The following SIN3A variants were observed in gnomAD, a reference collection of about 807,000 sequenced individuals.
SIN3A encodes the protein paired amphipathic helix protein Sin3a.
SIN3A carries 14 observed loss-of-function variants against 146.1 expected under a neutral mutation model. The observed-to-expected ratio is 0.10, with a 90% CI of 0.06 to 0.15. The LOEUF is 0.15. SIN3A is among the 10% of genes least tolerant of loss of function. The pLI is 1.00. For missense variants in SIN3A, 1,028 were observed against 1,576.0 expected, an observed-to-expected ratio of 0.65 and a Z score of 5.89; for synonymous variants, 572 against 572.0, an observed-to-expected ratio of 1.00 and a Z score of 0.00.
intron 1 of SIN3A, among the ~76,000 whole-genome samples, chr15:75,440,019 C>T (rs1484624468): frequency 1.3e-5 from 2 of 151,322 alleles, no homozygotes; most frequent in Admixed American, 6.6e-5. Context: ...GGCGTGGTAG[C>T]GGGCGCCTGT....
At chr15:75,442,932 CA>C (rs34555614) in intron 1 of SIN3A, among the ~76,000 whole-genome samples, 4,229 of 84,462 alleles carry the variant, frequency 0.05, 52 homozygotes, top group Middle Eastern at 0.059. Flanking sequence ...AACTCTGTCT[CA>C]AAAAAAAAAA....
chr15:75,451,282 TCA>T (rs1480722916), intron 1 of SIN3A, 139 bp downstream of exon 1: 1 of 32,206 alleles, frequency 3.1e-5, no homozygotes, highest in African/African-American at 1.2e-4. Flanking sequence ...CCCACCCCCC[TCA>T]CACAACCACA....
intron 3 of SIN3A, among the ~76,000 whole-genome samples, chr15:75,417,387 T>G (rs1309869596): frequency 1.3e-5 from 2 of 152,060 alleles, no homozygotes; most frequent in Non-Finnish European, 1.5e-5. Context: ...TCTTTTTTTT[T>G]TTTTTGAGAT....
At chr15:75,455,452 G>GT (rs1213533553), upstream of SIN3A, among the ~76,000 whole-genome samples, 1 of 152,148 alleles carries the variant, frequency 6.6e-6, no homozygotes, top group Non-Finnish European at 1.5e-5. Flanking sequence ...CCCTTCTCCA[G>GT]TCCGCCGCCA....
At position 75,411,754 on chromosome 15, in the gene SIN3A, AAG is replaced by A. The variant is rs762014273; in HGVS notation, c.757-13_757-12del. The A allele has an allele frequency of 6.4e-7, 1 of 1,570,280 alleles. No homozygotes were observed. On this transcript the variant is annotated splice_polypyrimidine_tract_variant and intron_variant, in intron 5 of 20. Transcript: ENST00000394947. ...TTGCAGTTGGGAGGGCTAGAAAGAA[AAG>A]AAATCTTTATTCTCTTCAGATGCAT...
intron 8 of SIN3A, among the ~76,000 whole-genome samples, chr15:75,407,803 G>A (rs938126881): frequency 7.4e-6 from 1 of 135,430 alleles, no homozygotes; most frequent in African/African-American, 2.8e-5. Context: ...TGAGACAGAA[G>A]AATCGCTTGA....
At chr15:75,438,081 C>T (rs1459440950) in intron 1 of SIN3A, among the ~76,000 whole-genome samples, 2 of 152,178 alleles carry the variant, frequency 1.3e-5, no homozygotes, top group Admixed American at 6.5e-5. Flanking sequence ...TATAATAAAA[C>T]TGGGCGCGGT....
At chr15:75,389,386 A>G (rs2073154632) in intron 16 of SIN3A, among the ~76,000 whole-genome samples, 1 of 152,060 alleles carries the variant, frequency 6.6e-6, no homozygotes, top group South Asian at 2.1e-4. Flanking sequence ...AAGGTAAGAG[A>G]TAGACAAGTT....
chr15:75,410,667 C>T lies in SIN3A; in HGVS notation c.1009-381G>A, dbSNP rs192281051. 2.2e-3 allele frequency among the ~76,000 whole-genome samples: 342 copies of T among 152,178 alleles called. 1 individual carries two copies. The highest frequency in any genetic ancestry group is 7.8e-3 in the African/African-American group (323 of 41,540). On this transcript the variant is annotated intron_variant, in intron 6 of 20. Coordinates refer to ENST00000394947, the MANE Select transcript of SIN3A (RefSeq NM_001145358.2). ...TGACAAAACCTTAGAAATTTCTCCT[C>T]CTCCTACTGTACATTAACTAGACTA...
At chr15:75,400,623 G>C in intron 11 of SIN3A, 107 bp downstream of exon 11, 1 of 814,254 alleles carries the variant, frequency 1.2e-6, no homozygotes. Flanking sequence ...AGGATTAAAA[G>C]GGTTCTTAAT....
At position 75,389,666 on chromosome 15, in the gene SIN3A, T is replaced by C; in HGVS notation, c.3007A>G (p.Ser1003Gly). ...CATGCCCTCACCTGTCTGACAATGC[T>C]CTGGATCAGTTTGTCCATGGTAAAG... ...IAFTMDKLIQ[S>G]IVRQLQHIVS... Residue 1003 changes from serine to glycine, a missense_variant, in exon 16 of 21, where the codon AGC becomes GGC. This residue lies in a region of SIN3A where 488 missense variants were observed against 690.2 expected (regional missense o/e 0.71). Coordinates refer to ENST00000394947, the MANE Select transcript of SIN3A (RefSeq NM_001145358.2). The C allele has an allele frequency of 6.2e-7, 1 of 1,614,180 alleles. No homozygotes were observed. The highest frequency in any genetic ancestry group is 8.5e-7 in the Non-Finnish European group (1 of 1,180,008).
At chr15:75,377,255 G>A (rs949468985) in intron 19 of SIN3A, among the ~76,000 whole-genome samples, 1 of 152,008 alleles carries the variant, frequency 6.6e-6, no homozygotes, top group African/African-American at 2.4e-5. Context: ...ACCTTCATGC[G>A]ACTGCAATTC....
intron 4 of SIN3A, among the ~76,000 whole-genome samples, chr15:75,413,601 T>C (rs1439755720): frequency 1.3e-5 from 2 of 151,274 alleles, no homozygotes; most frequent in African/African-American, 4.9e-5. Context: ...TGGAGTGCAG[T>C]AGCACAATCT....
rs758170546 is a variant in SIN3A at position 75,372,095 on chromosome 15, CCATGAGCCACTTGCT to C, written c.3691_3705del (p.Ser1231_Met1235del). On this transcript the variant is annotated inframe_deletion, in exon 21 of 21. Transcript: ENST00000394947. ...GGCACCAGGCCCTCCAGCCCCTCAC[CCATGAGCCACTTGCT>C]GGTCTCTGCTGCCATTTCACGGGGC... 1 of 1,614,194 alleles carries C rather than the reference CCATGAGCCACTTGCT, an allele frequency of 6.2e-7. No individual in the cohort carries two copies. The highest frequency in any genetic ancestry group is 8.5e-7 in the Non-Finnish European group (1 of 1,180,038).
intron 2 of SIN3A, among the ~76,000 whole-genome samples, chr15:75,427,337 C>A (rs542683921): frequency 6.6e-6 from 1 of 151,614 alleles, no homozygotes; most frequent in Non-Finnish European, 1.5e-5. Flanking sequence ...CACGCCACTG[C>A]ACTCCAGCTG....
chr15:75,449,530 T>C (rs1477693631), intron 1 of SIN3A, among the ~76,000 whole-genome samples: 3 of 152,228 alleles, frequency 2.0e-5, no homozygotes, highest in African/African-American at 7.2e-5. Flanking sequence ...GTGGTTCTGC[T>C]ATCTAAATCT....
intron 1 of SIN3A, 161 bp downstream of exon 1, chr15:75,451,262 C>G (rs1463462846): frequency 7.5e-6 from 1 of 132,808 alleles, no homozygotes; most frequent in Non-Finnish European, 1.7e-5. Flanking sequence ...AGAGCTACCC[C>G]GCTCCGCCCC....
chr15:75,400,180 G>T, intron 11 of SIN3A, 24 bp from the exon 12 acceptor site: 2 of 1,359,904 alleles, frequency 1.5e-6, no homozygotes, highest in Non-Finnish European at 2.1e-6. Flanking sequence ...AAGAGAGACT[G>T]AAACAAAAGC....
At chr15:75,430,042 G>A (rs2073988804) in intron 2 of SIN3A, 145 bp downstream of exon 2, 1 of 646,072 alleles carries the variant, frequency 1.5e-6, no homozygotes, top group East Asian at 2.8e-5. Flanking sequence ...AAACTTGTAT[G>A]GTGAGTACAC....
Sources: gnomAD v4.1 joint callset for allele counts (sites outside exome capture counted in the v4.1 genomes callset) on GRCh38, gnomAD v4.1.1 for gene constraint, gnomAD v4.1.1 regional missense constraint, MANE v1.5 for transcripts, NCBI Gene and HGNC (gene_info 2026-07-23, HGNC 2026-07-21) for gene names.